Variants in GATAD2A observed in about 807,000 individuals in gnomAD.
The protein encoded by GATAD2A is GATA zinc finger domain containing 2A, also known as transcriptional repressor p66-alpha.
A neutral mutation model predicts 68.5 loss-of-function variants in GATAD2A; 12 were observed. That is an observed-to-expected ratio of 0.18 (90% CI 0.11 to 0.28). The LOEUF is 0.28. Ranked by LOEUF, GATAD2A falls within the 10% of genes least tolerant of loss-of-function variation. The pLI, the probability that GATAD2A is intolerant of heterozygous loss-of-function variation, is 1.00. For missense variants in GATAD2A, 755 were observed against 868.5 expected, an observed-to-expected ratio of 0.87 and a Z score of 1.64; for synonymous variants, 410 against 375.3, an observed-to-expected ratio of 1.09 and a Z score of -1.07.
At chr19:19,389,691 G>A (rs553322630) in intron 1 of GATAD2A, among the ~76,000 whole-genome samples, 1 of 152,274 alleles carries the variant, frequency 6.6e-6, no homozygotes, top group Admixed American at 6.5e-5. Flanking sequence ...AAGTTGGAGG[G>A]GAGTTTGGGA....
chr19:19,482,889 C>A (rs961923539), intron 2 of GATAD2A, among the ~76,000 whole-genome samples: 3 of 152,104 alleles, frequency 2.0e-5, no homozygotes, highest in Non-Finnish European at 4.4e-5. Context: ...CCTCTGTGGG[C>A]GGGTAGAGGC....
chr19:19,484,532 CTTTTTTTTTT>C (rs897099165), intron 2 of GATAD2A, among the ~76,000 whole-genome samples: 4 of 86,958 alleles, frequency 4.6e-5, no homozygotes, highest in Non-Finnish European at 6.6e-5. Flanking sequence ...TTTTTTTTTT[CTTTTTTTTTT>C]TTTTTTTTGA....
intron 1 of GATAD2A, among the ~76,000 whole-genome samples, chr19:19,410,780 A>G (rs2050822855): frequency 6.6e-6 from 1 of 152,154 alleles, no homozygotes; most frequent in Non-Finnish European, 1.5e-5. Context: ...CTTTGCCTCA[A>G]GACAGCCTGG....
chr19:19,465,231 A>G lies in GATAD2A; in HGVS notation c.-6-109A>G, dbSNP rs59344441. On this transcript the variant is annotated intron_variant, in intron 1 of 11. Coordinates refer to ENST00000683918, the MANE Select transcript of GATAD2A (RefSeq NM_001384528.1). ...TGCGTTTGTTGTACATTCTTTTGCC[A>G]TCCTTCCCATAGGGAGGAAAACACT... The G allele has an allele frequency of 0.01, 8,195 of 818,232 alleles. 463 individuals are homozygous for G. The African/African-American group carries it at 0.12, about 12-fold the overall frequency. The allele number at this position is 818,232 out of a possible 1,614,324, so 50.7% of individuals were successfully genotyped here.
upstream of GATAD2A, among the ~76,000 whole-genome samples, chr19:19,405,154 A>G (rs1373016648): frequency 3.3e-5 from 5 of 152,070 alleles, no homozygotes; most frequent in African/African-American, 9.7e-5. Flanking sequence ...AAGTGTCTTG[A>G]GGTGGGTGGG....
chr19:19,432,134 G>A (rs1394770042), intron 1 of GATAD2A, among the ~76,000 whole-genome samples: 1 of 151,530 alleles, frequency 6.6e-6, no homozygotes, highest in Non-Finnish European at 1.5e-5. Flanking sequence ...TGCCACCACG[G>A]TTGGCTAATT....
chr19:19,415,484 CTG>C (rs1333450745), intron 1 of GATAD2A, among the ~76,000 whole-genome samples: 1 of 149,076 alleles, frequency 6.7e-6, no homozygotes, highest in African/African-American at 2.5e-5. Context: ...GAGTCTCACT[CTG>C]TTGCCCAGGC....
In GATAD2A at chr19:19,502,447, C is replaced by G; in HGVS notation, c.1695C>G (p.Thr565=). 1 of 1,613,668 alleles carries G rather than the reference C, an allele frequency of 6.2e-7. No homozygotes were observed. The change falls in exon 11 of 12, where the codon ACC becomes ACG. Residue 565 remains threonine, a synonymous_variant. Coordinates refer to ENST00000683918, the MANE Select transcript of GATAD2A (RefSeq NM_001384528.1). ...SASATALVSR[T]GRHSERTVSA... is the part of the protein sequence containing the mutation. The stretch of plus-strand genomic sequence containing the variant: ...CGGCCACAGCCCTGGTCAGCAGGAC[C>G]GGCAGACATTCTGAGAGAACCGTGA...
intron 1 of GATAD2A, among the ~76,000 whole-genome samples, chr19:19,387,618 C>G (rs1426613091): frequency 2.0e-5 from 3 of 152,092 alleles, no homozygotes; most frequent in African/African-American, 7.2e-5. Flanking sequence ...CGTGCCTGGC[C>G]CCCGCTTTTT....
intron 1 of GATAD2A, among the ~76,000 whole-genome samples, chr19:19,438,722 A>G (rs924455494): frequency 2.6e-5 from 4 of 152,252 alleles, no homozygotes; most frequent in African/African-American, 9.6e-5. Context: ...GGGAATTTCC[A>G]GAGGCCACCC....
At chr19:19,451,742 G>GT (rs2056409238) in intron 1 of GATAD2A, among the ~76,000 whole-genome samples, 1 of 152,222 alleles carries the variant, frequency 6.6e-6, no homozygotes, top group Non-Finnish European at 1.5e-5. Context: ...ATACTTTGTG[G>GT]TTTTCCATAT....
rs531719910 is a variant in GATAD2A, at chr19:19,434,596, A to C, written c.-7+28577A>C. Among the ~76,000 whole-genome samples the C allele has an allele frequency of 3.3e-5, 5 of 152,336 alleles. No individual in the cohort carries two copies. The East Asian group carries it at 9.6e-4, about 29-fold the overall frequency. On this transcript the variant is annotated intron_variant, in intron 1 of 11. Coordinates refer to ENST00000683918, the MANE Select transcript of GATAD2A (RefSeq NM_001384528.1). ...GGTAGTCCTGTGGGTGCAAAGAATG[A>C]CAACAGAGGTGATGTTGACACTATT... is the stretch of plus-strand genomic sequence containing the variant.
chr19:19,481,929 C>T (rs560005209), intron 2 of GATAD2A, among the ~76,000 whole-genome samples: 2 of 152,046 alleles, frequency 1.3e-5, no homozygotes, highest in South Asian at 4.2e-4. Context: ...CATAGTAGTT[C>T]CCATATCTAC....
chr19:19,436,291 G>GT, intron 1 of GATAD2A: 1 of 822,770 alleles, frequency 1.2e-6, no homozygotes, highest in Non-Finnish European at 1.9e-6. Flanking sequence ...CAGCTTCTTG[G>GT]ACACTTTAAA....
At chr19:19,471,343 T>C (rs549983095) in intron 2 of GATAD2A, among the ~76,000 whole-genome samples, 5 of 152,128 alleles carry the variant, frequency 3.3e-5, no homozygotes, top group Non-Finnish European at 7.4e-5. Flanking sequence ...TGTTCAGCTT[T>C]ATAAACTACT....
rs1216524931 is a variant in GATAD2A at position 19,496,086 on chromosome 19, G to C, written c.791G>C (p.Gly264Ala). ...IHSIRQHSST[G>A]PPPLLLAPRA... ...AGCATTAGGCAACATTCCAGCACAG[G>C]GCCACCGCCCCTCCTCCTGGCCCCC... The change falls in exon 7 of 12, where the codon GGG becomes GCG. Residue 264 changes from glycine (G) to alanine (A), a missense_variant. By Grantham distance (60) the Gly-to-Ala change is moderately conservative (BLOSUM62 0). Transcript: ENST00000683918. The C allele has an allele frequency of 6.2e-7, 1 of 1,613,848 alleles. No homozygotes were observed. Among genetic ancestry groups the C allele is most frequent in the Non-Finnish European group, 8.5e-7 (1 of 1,179,950 alleles).
chr19:19,389,907 C>T (rs933778333), intron 1 of GATAD2A, among the ~76,000 whole-genome samples: 4 of 152,088 alleles, frequency 2.6e-5, no homozygotes, highest in Admixed American at 6.6e-5. Context: ...GGACCACAGG[C>T]GCATGCCACC....
chr19:19,478,656 C>A (rs1043259597), intron 2 of GATAD2A, among the ~76,000 whole-genome samples: 14 of 151,212 alleles, frequency 9.3e-5, no homozygotes, highest in Admixed American at 5.3e-4. Context: ...ACTAAAAATC[C>A]AAAAAAATTG....
At chr19:19,500,577 C>A (rs754633094) in intron 8 of GATAD2A, among the ~76,000 whole-genome samples, 4 of 152,228 alleles carry the variant, frequency 2.6e-5, no homozygotes, top group Non-Finnish European at 4.4e-5. Flanking sequence ...GACAAGGGGA[C>A]CAAGCCCTTG....
Sources: allele counts gnomAD v4.1 joint callset (sites outside exome capture counted in the v4.1 genomes callset), GRCh38; gene constraint gnomAD v4.1.1; transcripts MANE v1.5; gene names NCBI Gene and HGNC (gene_info 2026-07-23, HGNC 2026-07-21).